The following ZMYM6 variants were observed in gnomAD, a reference collection of about 807,000 sequenced individuals.
ZMYM6 encodes zinc finger MYM-type containing 6.
In ZMYM6, 90 loss-of-function variants were observed where a neutral mutation model predicts 134.0. That is an observed-to-expected ratio of 0.67 (90% confidence interval 0.57 to 0.80). ZMYM6 has a LOEUF of 0.80. Among genes scored for constraint, ZMYM6 ranks in the 30% least tolerant of loss-of-function variants. The pLI, the probability that ZMYM6 is intolerant of heterozygous loss-of-function variation, is 0.00. For synonymous variants in ZMYM6, 481 were observed against 524.1 expected (o/e 0.92, Z 1.12); for missense variants, 1,362 against 1,533.9 (o/e 0.89, Z 1.87).
intron 2 of ZMYM6, among the ~76,000 whole-genome samples, chr1:35,023,512 A>C (rs1192908332): frequency 6.6e-6 from 1 of 152,240 alleles, no homozygotes; most frequent in Admixed American, 6.5e-5. Context: ...GCATGTTCTT[A>C]AACATTATAC....
chr1:35,003,714 T>A (rs1640918015), intron 14 of ZMYM6, among the ~76,000 whole-genome samples: 1 of 152,214 alleles, frequency 6.6e-6, no homozygotes, highest in Non-Finnish European at 1.5e-5. Flanking sequence ...TTACTCCACT[T>A]TTTTAAAGAC....
intron 2 of ZMYM6, among the ~76,000 whole-genome samples, chr1:35,026,730 C>T (rs1223142827): frequency 1.3e-5 from 2 of 152,144 alleles, no homozygotes; most frequent in African/African-American, 2.4e-5. Flanking sequence ...CCCAGTTTTA[C>T]CATGAGACAC....
At chr1:35,013,133 A>G (rs1366977682) in intron 6 of ZMYM6, 1 of 851,324 alleles carries the variant, frequency 1.2e-6, no homozygotes, top group African/African-American at 1.8e-5. Flanking sequence ...TACATAACCA[A>G]TATTATAACT....
chr1:35,022,885 T>C (rs961654832), intron 2 of ZMYM6, among the ~76,000 whole-genome samples: 1 of 152,166 alleles, frequency 6.6e-6, no homozygotes, highest in Non-Finnish European at 1.5e-5. Flanking sequence ...GTAATGACTA[T>C]AGGTTCTAAC....
chr1:35,024,052 C>A (rs1641361289), intron 2 of ZMYM6, among the ~76,000 whole-genome samples: 1 of 152,106 alleles, frequency 6.6e-6, no homozygotes, highest in Non-Finnish European at 1.5e-5. Context: ...GCTCACGAGT[C>A]CCAACTCCAC....
chr1:35,023,441 A>G (rs931575504), intron 2 of ZMYM6, among the ~76,000 whole-genome samples: 8 of 152,184 alleles, frequency 5.3e-5, no homozygotes, highest in African/African-American at 1.7e-4. Context: ...TATTAGTTTC[A>G]TAACTGGCAT....
At chr1:35,017,958 T>G (rs1485979274) in intron 4 of ZMYM6, 1 of 152,232 alleles carries the variant, frequency 6.6e-6, no homozygotes, top group African/African-American at 2.4e-5. Flanking sequence ...CTAAGTTTAC[T>G]CTTTCAGATT....
Position 35,014,701 on chromosome 1 carries a change from T to C in ZMYM6, c.791A>G (p.Lys264Arg), listed in dbSNP as rs774229594. 1 of 1,613,438 alleles carries C rather than the reference T, an allele frequency of 6.2e-7. No homozygotes were observed. The highest frequency in any genetic ancestry group is 1.1e-5 in the South Asian group (1 of 91,054). Residue 264 changes from lysine to arginine, a missense_variant, in exon 6 of 16, where the codon AAG becomes AGG. This residue lies in a region of ZMYM6 where 503 missense variants were observed against 520.8 expected (regional missense o/e 0.97). Transcript: ENST00000357182. ...VFSSTSVTAY[K>R]QNSAQIPPYA... ...GCAACAAATAGATATTCATACCTGCTTGTATGCCGTGACACTTGTTGAACT... is the reference window on the plus strand; with the variant it reads ...GCAACAAATAGATATTCATACCTGCCTGTATGCCGTGACACTTGTTGAACT...
At chr1:35,004,078 T>A in intron 13 of ZMYM6, 73 bp from the exon 14 acceptor site, 1 of 1,352,226 alleles carries the variant, frequency 7.4e-7, no homozygotes, top group South Asian at 1.2e-5. Context: ...AGAAGTTACT[T>A]TCCTCCCATT....
In ZMYM6 at chr1:34,987,132, A is replaced by G; in HGVS notation, c.3950T>C (p.Ile1317Thr). 1 of 1,570,236 alleles carries G rather than the reference A, an allele frequency of 6.4e-7. No individual in the cohort carries two copies. Among genetic ancestry groups the G allele is most frequent in the Non-Finnish European group, 8.6e-7 (1 of 1,160,976 alleles). The change falls in exon 16 of 16, where the codon ATA (isoleucine) becomes ACA (threonine). Residue 1317 changes from isoleucine to threonine, a missense_variant. By Grantham distance (89) the Ile-to-Thr change is moderately conservative (BLOSUM62 -1). Coordinates refer to ENST00000357182, the MANE Select transcript of ZMYM6 (RefSeq NM_007167.4). ...RLAVTSLIPR[I>T]EKLVKEKE ...CTCTTTCTCCTTCACTAATTTTTCT[A>G]TCCTTGGAATTAAAGATGTGACTGC...
intron 10 of ZMYM6, among the ~76,000 whole-genome samples, chr1:35,009,408 A>C (rs1242602968): frequency 1.3e-5 from 2 of 152,096 alleles, no homozygotes; most frequent in African/African-American, 4.8e-5. Context: ...CCCTGCCACC[A>C]CCTTTTAAAT....
intron 4 of ZMYM6, among the ~76,000 whole-genome samples, chr1:35,015,661 T>G: frequency 7.0e-6 from 1 of 143,390 alleles, no homozygotes; most frequent in African/African-American, 2.7e-5. Flanking sequence ...GAGGTGGAGG[T>G]TGCAGTGAGC....
intron 6 of ZMYM6, chr1:35,012,843 A>G: frequency 4.1e-6 from 4 of 985,404 alleles, no homozygotes; most frequent in Non-Finnish European, 4.8e-6. Flanking sequence ...AATGAATTAA[A>G]TAGTCATTAC....
At chr1:35,024,447 A>T (rs1373666895) in intron 2 of ZMYM6, among the ~76,000 whole-genome samples, 1 of 152,130 alleles carries the variant, frequency 6.6e-6, no homozygotes, top group African/African-American at 2.4e-5. Context: ...AAGCCCTTTA[A>T]ACACAACAGA....
At chr1:35,017,376 T>C (rs1469533786) in intron 4 of ZMYM6, 2 of 152,236 alleles carry the variant, frequency 1.3e-5, no homozygotes, top group Non-Finnish European at 2.9e-5. Flanking sequence ...ATTTTTCTAC[T>C]GAAAACAGAG....
At position 34,987,847 on chromosome 1, in the gene ZMYM6, A is replaced by C. The variant is rs754716116; in HGVS notation, c.3235T>G (p.Leu1079Val). The C allele has an allele frequency of 1.6e-5, 25 of 1,551,028 alleles. No individual in the cohort carries two copies. The highest frequency in any genetic ancestry group is 2.6e-6 in the Non-Finnish European group (3 of 1,146,798). Reference protein sequence around the residue: ...EVRWISRGRMLKRLFELRHEI... With the variant: ...EVRWISRGRMVKRLFELRHEI... Reference sequence around the variant, plus strand: ...TGTCGTAATTCAAATAATCTTTTTAACATTCTCCCTCTTGATATCCAACGT... The same window carrying C: ...TGTCGTAATTCAAATAATCTTTTTACCATTCTCCCTCTTGATATCCAACGT... The change falls in exon 16 of 16, where the codon TTA becomes GTA. Residue 1079 changes from leucine to valine, a missense_variant. Leu to Val is a conservative substitution (Grantham distance 32, BLOSUM62 1). Transcript: ENST00000357182.
intron 12 of ZMYM6, among the ~76,000 whole-genome samples, chr1:35,006,230 A>AC: frequency 6.6e-6 from 1 of 152,180 alleles, no homozygotes; most frequent in South Asian, 2.1e-4. Context: ...CTGGTCTCGA[A>AC]CTCCTGGCCT....
At chr1:34,994,731 G>T (rs969369111) in intron 14 of ZMYM6, among the ~76,000 whole-genome samples, 2 of 151,760 alleles carry the variant, frequency 1.3e-5, no homozygotes, top group Non-Finnish European at 2.9e-5. Context: ...TGTGGTTTTT[G>T]CAATTAAAGT....
chr1:34,991,282 C>T (rs977655550), intron 15 of ZMYM6, among the ~76,000 whole-genome samples: 5 of 151,888 alleles, frequency 3.3e-5, no homozygotes, highest in Non-Finnish European at 5.9e-5. Context: ...CATGTGTGAA[C>T]GTGTATATAA....
Sources: gnomAD v4.1 joint callset for allele counts (sites outside exome capture counted in the v4.1 genomes callset) on GRCh38, gnomAD v4.1.1 for gene constraint, gnomAD v4.1.1 regional missense constraint, MANE v1.5 for transcripts, NCBI Gene and HGNC (gene_info 2026-07-23, HGNC 2026-07-21) for gene names.